VPS13C: variants seen among roughly 807,000 people sequenced by gnomAD.
The protein encoded by VPS13C is intermembrane lipid transfer protein VPS13C.
A neutral mutation model predicts 456.8 loss-of-function variants in VPS13C; 358 were observed. The observed-to-expected ratio is 0.78, with a 90% CI of 0.72 to 0.86. VPS13C has a LOEUF of 0.86. VPS13C is among the 40% of genes least tolerant of loss of function. The pLI is 0.00. For missense variants in VPS13C, 4,818 were observed against 4,385.4 expected (o/e 1.10, Z -2.79); for synonymous variants, 1,578 against 1,486.7 (o/e 1.06, Z -1.41).
rs762663019 is a variant in VPS13C at position 61,931,219 on chromosome 15, C to T, written c.5909G>A (p.Gly1970Asp). ...GGCCATAAGATGTAGTCTGAGTTCA[C>T]CAAGTTGGAAACTGTCATTATGAAA... is the stretch of plus-strand genomic sequence containing the variant. Reference protein sequence around the residue: ...VAFHNDSFQLGELRLHLMASS... With the variant: ...VAFHNDSFQLDELRLHLMASS... Residue 1970 changes from glycine (G) to aspartate (D), a missense_variant, in exon 50 of 85, where the codon GGT becomes GAT. This residue lies in a region of VPS13C where 4,552 missense variants were observed against 4,130.6 expected (regional missense o/e 1.10). Coordinates refer to ENST00000644861, the MANE Select transcript of VPS13C (RefSeq NM_020821.3). The T allele has an allele frequency of 6.2e-7, 1 of 1,613,986 alleles. No individual in the cohort carries two copies. Among genetic ancestry groups the T allele is most frequent in the Admixed American group, 1.7e-5 (1 of 60,016 alleles).
chr15:62,018,391 T>G (rs1408317997), intron 9 of VPS13C, among the ~76,000 whole-genome samples: 1 of 151,874 alleles, frequency 6.6e-6, no homozygotes, highest in African/African-American at 2.4e-5. Context: ...GCTTCCAGTT[T>G]TTGCCCATTC....
At chr15:61,857,914 T>C (rs957058865) in intron 82 of VPS13C, among the ~76,000 whole-genome samples, 11 of 152,266 alleles carry the variant, frequency 7.2e-5, no homozygotes, top group African/African-American at 2.6e-4. Flanking sequence ...ATTTTGGACT[T>C]GTATGGGATG....
intron 71 of VPS13C, among the ~76,000 whole-genome samples, 188 bp from the exon 72 acceptor site, chr15:61,881,142 A>G (rs1379644273): frequency 6.6e-6 from 1 of 152,098 alleles, no homozygotes; most frequent in African/African-American, 2.4e-5. Context: ...CACTCAAGGT[A>G]ATACTGCTGC....
intron 58 of VPS13C, among the ~76,000 whole-genome samples, chr15:61,919,014 A>G (rs1442601156): frequency 6.6e-6 from 1 of 152,148 alleles, no homozygotes; most frequent in Non-Finnish European, 1.5e-5. Flanking sequence ...ATATACCAAA[A>G]GAGCTTTATT....
rs557112624 is a variant in VPS13C at position 61,925,560 on chromosome 15, T to A, written c.6517-12A>T. On this transcript the variant is annotated splice_polypyrimidine_tract_variant and intron_variant, in intron 52 of 84. Transcript: ENST00000644861. ...CAGGGCTGCAAGACCTATAAACAGA[T>A]AAATGAAATTCACATTTCCATAGAT... 1.9e-6 allele frequency: 3 copies of A among 1,550,094 alleles called. No homozygotes were observed. In the East Asian group the frequency reaches 6.9e-5, roughly 35 times the overall value.
At chr15:61,981,867 A>C (rs2045899351) in intron 21 of VPS13C, among the ~76,000 whole-genome samples, 1 of 152,152 alleles carries the variant, frequency 6.6e-6, no homozygotes, top group South Asian at 2.1e-4. Flanking sequence ...CATCTCAAAA[A>C]ATAAAAGAAA....
In VPS13C at chr15:61,876,949, T is replaced by C. The variant is rs750321931; in HGVS notation, c.10224+24A>G. 3.2e-6 allele frequency: 5 copies of C among 1,543,922 alleles called. No homozygotes were observed. In the East Asian group the frequency reaches 9.1e-5, roughly 28 times the overall value. On this transcript the variant is annotated intron_variant, in intron 75 of 84. Coordinates refer to ENST00000644861, the MANE Select transcript of VPS13C (RefSeq NM_020821.3). ...GATATTTTATGAAGTATATTCCTTA[T>C]GAAATACTATGATAGGAAATTACCT...
chr15:61,922,347 A>G (rs772744560), intron 54 of VPS13C, 50 bp downstream of exon 54: 39 of 1,552,966 alleles, frequency 2.5e-5, no homozygotes, highest in Non-Finnish European at 3.1e-5. Flanking sequence ...CTTAATTCCA[A>G]AATCGCACTT....
intron 82 of VPS13C, 164 bp from the exon 83 acceptor site, chr15:61,856,573 G>A (rs527957250): frequency 3.0e-6 from 2 of 662,588 alleles, no homozygotes; most frequent in South Asian, 2.7e-5. Context: ...CTAGATAACT[G>A]TCAAATAAAG....
At chr15:61,881,487 A>G (rs796333079) in intron 71 of VPS13C, 76 bp downstream of exon 71, 9 of 1,427,336 alleles carry the variant, frequency 6.3e-6, no homozygotes, top group Non-Finnish European at 8.5e-6. Flanking sequence ...GTCACTTTCA[A>G]AAAGAGTAAG....
intron 10 of VPS13C, 58 bp downstream of exon 10, chr15:62,013,875 A>C: frequency 7.6e-7 from 1 of 1,310,076 alleles, no homozygotes; most frequent in Non-Finnish European, 1.1e-6. Context: ...TGTTTCTTCA[A>C]GAAAATAAAT....
At chr15:61,926,797 A>T (rs2043865064) in intron 52 of VPS13C, among the ~76,000 whole-genome samples, 1 of 152,240 alleles carries the variant, frequency 6.6e-6, no homozygotes, top group African/African-American at 2.4e-5. Flanking sequence ...TACCACGGTG[A>T]ACAAAAGAAA....
chr15:61,926,520 T>G (rs2043855163), intron 52 of VPS13C, among the ~76,000 whole-genome samples: 1 of 152,254 alleles, frequency 6.6e-6, no homozygotes, highest in East Asian at 1.9e-4. Flanking sequence ...TTTATGCAAG[T>G]CATTTTGTCC....
chr15:62,004,969 G>T (rs1409719258), intron 15 of VPS13C, among the ~76,000 whole-genome samples: 2 of 151,986 alleles, frequency 1.3e-5, no homozygotes, highest in African/African-American at 4.8e-5. Context: ...AATAGGTGTG[G>T]TGTGGTGCTG....
chr15:61,972,045 C>T (rs891415954), intron 27 of VPS13C, among the ~76,000 whole-genome samples: 4 of 152,162 alleles, frequency 2.6e-5, no homozygotes, highest in Admixed American at 2.6e-4. Flanking sequence ...GTAATCTCAC[C>T]ACCCAGAGAT....
At chr15:61,902,343 CA>C (rs34031918) in intron 66 of VPS13C, among the ~76,000 whole-genome samples, 80,446 of 148,992 alleles carry the variant, frequency 0.54, 21,837 homozygotes, top group Admixed American at 0.62. Context: ...TCCAACTCTT[CA>C]AAAAAAAAAC....
chr15:62,032,675 CTTTATCT>C (rs1028837822), intron 5 of VPS13C, among the ~76,000 whole-genome samples: 27 of 151,660 alleles, frequency 1.8e-4, no homozygotes, highest in African/African-American at 6.5e-4. Flanking sequence ...TCAATATTTG[CTTTATCT>C]TTTGAGAGAG....
chr15:61,905,079 T>C (rs2043116088), intron 66 of VPS13C, among the ~76,000 whole-genome samples: 2 of 152,132 alleles, frequency 1.3e-5, no homozygotes, highest in African/African-American at 4.8e-5. Flanking sequence ...GTAGGGTTAC[T>C]ATAGTTAACA....
chr15:62,015,328 T>C lies in VPS13C; in HGVS notation c.685-1336A>G, dbSNP rs1360058170. Among the ~76,000 whole-genome samples, 5 of 152,134 alleles carry C rather than the reference T, an allele frequency of 3.3e-5. No individual in the cohort carries two copies. The East Asian group carries it at 9.7e-4, about 29-fold the overall frequency. ...TTGCCTGTTCACTCTGATGGTAGTT[T>C]CTTTTGCTGTGCAGAAGCTCTTGAG... On this transcript the variant is annotated intron_variant, in intron 9 of 84. Transcript: ENST00000644861.
Sources: gnomAD v4.1 joint callset for allele counts (sites outside exome capture counted in the v4.1 genomes callset) on GRCh38, gnomAD v4.1.1 for gene constraint, gnomAD v4.1.1 regional missense constraint, MANE v1.5 for transcripts, NCBI Gene and HGNC (gene_info 2026-07-23, HGNC 2026-07-21) for gene names.